Variants in ZFHX4 observed in about 807,000 individuals in gnomAD.
ZFHX4 encodes zinc finger homeobox protein 4.
ZFHX4 carries 56 observed loss-of-function variants against 267.6 expected under a neutral mutation model. The observed-to-expected ratio is 0.21, with a 90% CI of 0.17 to 0.26. ZFHX4 has a LOEUF of 0.26. Ranked by LOEUF, ZFHX4 falls within the 10% of genes least tolerant of loss-of-function variation. The pLI is 1.00. For synonymous variants in ZFHX4, 1,778 were observed against 1,665.6 expected (o/e 1.07, Z -1.64); for missense variants, 4,332 against 4,420.0 (o/e 0.98, Z 0.56).
chr8:76,803,001 G>T (rs1811151973), intron 4 of ZFHX4, among the ~76,000 whole-genome samples: 1 of 152,094 alleles, frequency 6.6e-6, no homozygotes, highest in Non-Finnish European at 1.5e-5. Context: ...CAAGGCCAAA[G>T]AAGTCTTTTG....
At chr8:76,861,275 C>T (rs1812859756) in intron 10 of ZFHX4, among the ~76,000 whole-genome samples, 1 of 152,056 alleles carries the variant, frequency 6.6e-6, no homozygotes, top group Admixed American at 6.6e-5. Context: ...TATTTAACCC[C>T]TGAAATTGAT....
At chr8:76,806,721 T>C (rs1163778828) in intron 4 of ZFHX4, among the ~76,000 whole-genome samples, 2 of 152,174 alleles carry the variant, frequency 1.3e-5, no homozygotes, top group Non-Finnish European at 2.9e-5. Flanking sequence ...CATTTCCAAG[T>C]GTCCCCAAGA....
At chr8:76,712,303 CCA>C (rs1808446489) in intron 3 of ZFHX4, among the ~76,000 whole-genome samples, 1 of 151,880 alleles carries the variant, frequency 6.6e-6, no homozygotes, top group South Asian at 2.1e-4. Flanking sequence ...TTGGGGAGGC[CCA>C]CAGAGGAGAA....
At chr8:76,716,239 C>CAA (rs547827026) in intron 3 of ZFHX4, among the ~76,000 whole-genome samples, 1 of 150,276 alleles carries the variant, frequency 6.7e-6, no homozygotes, top group African/African-American at 2.4e-5. Context: ...AAGAATTTTA[C>CAA]AAAAAAAAAC....
At position 76,811,182 on chromosome 8, in the gene ZFHX4, AT is replaced by A. The variant is rs949984995; in HGVS notation, c.3326-22153del. ...CCAGGATCAGCTAAAAGATCCACCCATTTAAAGCCAGAGCCCCACATGACAG... is the reference window on the plus strand; with the variant it reads ...CCAGGATCAGCTAAAAGATCCACCCATTAAAGCCAGAGCCCCACATGACAG... On this transcript the variant is annotated intron_variant, in intron 4 of 10. Transcript: ENST00000651372. Among the ~76,000 whole-genome samples, 4 of 152,286 alleles carry A rather than the reference AT, an allele frequency of 2.6e-5. No homozygotes were observed. The East Asian group carries it at 7.7e-4, about 29-fold the overall frequency.
intron 3 of ZFHX4, among the ~76,000 whole-genome samples, chr8:76,770,541 A>G (rs1267839901): frequency 6.6e-6 from 1 of 152,110 alleles, no homozygotes; most frequent in Admixed American, 6.6e-5. Flanking sequence ...TAGGAATTGG[A>G]GATAAAATAA....
chr8:76,798,310 G>A lies in ZFHX4; in HGVS notation c.3325+19871G>A, dbSNP rs1461130042. On this transcript the variant is annotated intron_variant, in intron 4 of 10. Transcript: ENST00000651372. ...AAAGGGAACCCATTATGCAAGGCGA[G>A]CATTCAGTTTGCAAGTGAATTTGCT... Among the ~76,000 whole-genome samples the A allele has an allele frequency of 3.3e-5, 5 of 152,212 alleles. No individual in the cohort carries two copies. The East Asian group carries it at 9.7e-4, about 29-fold the overall frequency.
chr8:76,852,277 C>T lies in ZFHX4; in HGVS notation c.5356C>T (p.His1786Tyr), dbSNP rs746076821. The change falls in exon 10 of 11, where the codon CAT becomes TAT. Residue 1786 changes from histidine to tyrosine, a missense_variant. His to Tyr is a moderately conservative substitution (Grantham distance 83, BLOSUM62 2). Transcript: ENST00000651372. ...EDLKQQIQTQ[H>Y]HVGQTQLQIL... ...CCTAAAGCAGCAGATTCAAACCCAA[C>T]ATCACGTTGGTCAAACTCAACTCCA... The T allele has an allele frequency of 3.2e-6, 5 of 1,578,936 alleles. No individual in the cohort carries two copies. The African/African-American group carries it at 4.0e-5, about 13-fold the overall frequency.
In ZFHX4 at chr8:76,698,357, G is replaced by A. The variant is rs1420299340; in HGVS notation, c.-46-5686G>A. On this transcript the variant is annotated intron_variant, in intron 1 of 10. Coordinates refer to ENST00000651372, the MANE Select transcript of ZFHX4 (RefSeq NM_024721.5). ...GGAGAGATTATTGATTCCTCTCTAA[G>A]GAAAGTAGCTGGAGTTTGATTAAAG... 2.0e-5 allele frequency among the ~76,000 whole-genome samples: 3 copies of A among 152,100 alleles called. No homozygotes were observed. In the East Asian group the frequency reaches 5.8e-4, roughly 29 times the overall value.
In ZFHX4 at chr8:76,851,368, C is replaced by T; in HGVS notation, c.4447C>T (p.Leu1483=). Residue 1483 remains leucine (L), a synonymous_variant, in exon 10 of 11, where the codon CTA becomes TTA. Transcript: ENST00000651372. ...SETMSQDDHG[L]EQEMEREYEV... is the part of the protein sequence containing the mutation. ...AACTATGTCCCAGGATGACCATGGCCTAGAGCAGGAAATGGAGAGAGAGTA... is the reference window on the plus strand; with the variant it reads ...AACTATGTCCCAGGATGACCATGGCTTAGAGCAGGAAATGGAGAGAGAGTA... The T allele has an allele frequency of 6.2e-7, 1 of 1,613,790 alleles. No individual in the cohort carries two copies. Among genetic ancestry groups the T allele is most frequent in the Non-Finnish European group, 8.5e-7 (1 of 1,179,846 alleles).
chr8:76,799,129 C>T (rs1811056072), intron 4 of ZFHX4, among the ~76,000 whole-genome samples: 1 of 152,086 alleles, frequency 6.6e-6, no homozygotes, highest in South Asian at 2.1e-4. Flanking sequence ...AGTTTTGTAA[C>T]TTGTTTTTCC....
intron 3 of ZFHX4, among the ~76,000 whole-genome samples, chr8:76,724,832 G>A (rs150233797): frequency 0.011 from 1,691 of 152,118 alleles, 16 homozygotes; most frequent in Non-Finnish European, 0.018. Context: ...ACTTCCACAG[G>A]CCCACTGGGT....
intron 4 of ZFHX4, among the ~76,000 whole-genome samples, chr8:76,826,311 A>G (rs1270955239): frequency 1.3e-5 from 2 of 152,158 alleles, no homozygotes; most frequent in Non-Finnish European, 2.9e-5. Context: ...ATCACCTCCC[A>G]CCAGACCCTA....
At chr8:76,778,013 T>G (rs1410314905) in intron 3 of ZFHX4, among the ~76,000 whole-genome samples, 195 bp from the exon 4 acceptor site, 1 of 152,118 alleles carries the variant, frequency 6.6e-6, no homozygotes, top group African/African-American at 2.4e-5. Context: ...TCCATCTAGA[T>G]TTACACATTA....
intron 4 of ZFHX4, among the ~76,000 whole-genome samples, chr8:76,791,579 T>C (rs944631516): frequency 6.6e-6 from 1 of 152,202 alleles, no homozygotes; most frequent in African/African-American, 2.4e-5. Context: ...ATTTCATTCC[T>C]GTACAAAGTA....
At chr8:76,740,364 A>C (rs1809282795) in intron 3 of ZFHX4, among the ~76,000 whole-genome samples, 1 of 151,962 alleles carries the variant, frequency 6.6e-6, no homozygotes, top group Non-Finnish European at 1.5e-5. Flanking sequence ...GGAAGGAGGG[A>C]GGGAAAGAAG....
intron 4 of ZFHX4, among the ~76,000 whole-genome samples, chr8:76,802,192 C>A (rs1210695935): frequency 6.6e-6 from 1 of 152,142 alleles, no homozygotes; most frequent in African/African-American, 2.4e-5. Context: ...CACTCATCTT[C>A]TTCAGGCAAG....
rs1379789263 is a variant in ZFHX4, at chr8:76,705,894, G to A, written c.1806G>A (p.Gly602=). 2 of 1,613,644 alleles carry A rather than the reference G, an allele frequency of 1.2e-6. No homozygotes were observed. The highest frequency in any genetic ancestry group is 2.7e-5 in the African/African-American group (2 of 74,828). The change falls in exon 2 of 11, where the codon GGG becomes GGA. Residue 602 remains glycine, a synonymous_variant. Coordinates refer to ENST00000651372, the MANE Select transcript of ZFHX4 (RefSeq NM_024721.5). ...GFTPSTPGTP[G]PGGDGSPGSG... ...CCCCGAGTACTCCTGGCACACCAGG[G>A]CCTGGAGGAGACGGCTCACCGGGCA...
chr8:76,717,425 C>A (rs1808605980), intron 3 of ZFHX4, among the ~76,000 whole-genome samples: 1 of 152,070 alleles, frequency 6.6e-6, no homozygotes, highest in African/African-American at 2.4e-5. Flanking sequence ...GGTACCTGAT[C>A]CGGCAGAAAA....
Sources: gnomAD v4.1 joint callset for allele counts (sites outside exome capture counted in the v4.1 genomes callset) on GRCh38, gnomAD v4.1.1 for gene constraint, MANE v1.5 for transcripts, NCBI Gene and HGNC (gene_info 2026-07-23, HGNC 2026-07-21) for gene names.